The following RPH3A variants were observed in gnomAD, a reference collection of about 807,000 sequenced individuals.
RPH3A encodes the protein rabphilin-3A.
A neutral mutation model predicts 102.2 loss-of-function variants in RPH3A; 48 were observed. The observed-to-expected ratio is 0.47, with a 90% confidence interval of 0.37 to 0.60. The LOEUF (loss-of-function observed/expected upper bound fraction) is 0.60. Ranked by LOEUF, RPH3A falls within the 20% of genes least tolerant of loss-of-function variation. The probability of loss-of-function intolerance (pLI) is 0.00; values close to 1 mark genes in which losing one functional copy is unlikely to be tolerated. For missense variants in RPH3A, 781 were observed against 910.1 expected, an observed-to-expected ratio of 0.86 and a Z score of 1.83; for synonymous variants, 310 against 324.3, an observed-to-expected ratio of 0.96 and a Z score of 0.47.
chr12:112,718,244 T>C (rs2040526992), intron 1 of RPH3A, among the ~76,000 whole-genome samples: 1 of 152,198 alleles, frequency 6.6e-6, no homozygotes, highest in Admixed American at 6.5e-5. Context: ...TGTTGACCTA[T>C]TCAAACCAAA....
intron 1 of RPH3A, among the ~76,000 whole-genome samples, chr12:112,725,461 G>A (rs919270557): frequency 6.6e-6 from 1 of 152,120 alleles, no homozygotes; most frequent in African/African-American, 2.4e-5. Flanking sequence ...TGGAGCCTGA[G>A]CCATTGTTGG....
At chr12:112,697,375 A>T (rs981392659) in intron 1 of RPH3A, among the ~76,000 whole-genome samples, 1 of 152,252 alleles carries the variant, frequency 6.6e-6, no homozygotes. Context: ...TTATGATAGT[A>T]CCAAGAACAT....
upstream of RPH3A, among the ~76,000 whole-genome samples, chr12:112,790,191 G>A (rs1593000758): frequency 6.6e-6 from 1 of 151,950 alleles, no homozygotes; most frequent in East Asian, 1.9e-4. Context: ...CGAGTAGCTG[G>A]GATTACAGGT....
At chr12:112,870,310 CAAAAAAA>C (rs377457634) in intron 10 of RPH3A, among the ~76,000 whole-genome samples, 2 of 105,606 alleles carry the variant, frequency 1.9e-5, no homozygotes, top group African/African-American at 3.5e-5. Context: ...CTCCCCGCCT[CAAAAAAA>C]AAAAAAAAAA....
intron 1 of RPH3A, among the ~76,000 whole-genome samples, chr12:112,607,740 A>G (rs901115898): frequency 2.0e-5 from 3 of 152,138 alleles, no homozygotes; most frequent in African/African-American, 7.2e-5. Flanking sequence ...ATTCTCAAAC[A>G]TCAATGAACC....
intron 6 of RPH3A, 100 bp downstream of exon 6, chr12:112,865,643 T>A (rs2042600054): frequency 1.5e-6 from 2 of 1,322,306 alleles, no homozygotes; most frequent in South Asian, 1.4e-5. Flanking sequence ...GGGGTGGAGC[T>A]TGGATCCTGA....
intron 15 of RPH3A, among the ~76,000 whole-genome samples, chr12:112,882,301 T>A (rs939488525): frequency 4.6e-5 from 7 of 152,000 alleles, no homozygotes. Context: ...CACCCTTCTC[T>A]CCCCTCAAGC....
intron 1 of RPH3A, among the ~76,000 whole-genome samples, chr12:112,775,874 T>C (rs2040962303): frequency 1.3e-5 from 2 of 152,328 alleles, no homozygotes; most frequent in African/African-American, 4.8e-5. Flanking sequence ...GGGTAGATTA[T>C]AATTGTGTCA....
chr12:112,768,041 G>A (rs1480168860), intron 1 of RPH3A, among the ~76,000 whole-genome samples: 2 of 152,036 alleles, frequency 1.3e-5, no homozygotes, highest in Non-Finnish European at 1.5e-5. Flanking sequence ...CAGTGGTAAC[G>A]GTTGTACAAT....
intron 5 of RPH3A, among the ~76,000 whole-genome samples, chr12:112,858,868 G>C (rs979767957): frequency 2.0e-5 from 3 of 152,332 alleles, no homozygotes; most frequent in East Asian, 3.9e-4. Context: ...GCCTCTGGGA[G>C]TATCCTGGGA....
intron 1 of RPH3A, among the ~76,000 whole-genome samples, chr12:112,595,432 C>A (rs2039509810): frequency 6.6e-6 from 1 of 152,144 alleles, no homozygotes; most frequent in Non-Finnish European, 1.5e-5. Context: ...AATCATGCAG[C>A]AAAATATTTC....
At chr12:112,838,497 A>T (rs982035690) in intron 4 of RPH3A, among the ~76,000 whole-genome samples, 6 of 152,196 alleles carry the variant, frequency 3.9e-5, no homozygotes, top group African/African-American at 1.4e-4. Flanking sequence ...TTCAGGATTC[A>T]TTAAAATCCC....
intron 2 of RPH3A, among the ~76,000 whole-genome samples, chr12:112,798,280 G>A (rs1250589534): frequency 6.6e-6 from 1 of 152,226 alleles, no homozygotes; most frequent in Non-Finnish European, 1.5e-5. Context: ...TCATCTGACA[G>A]CATCATAATG....
intron 1 of RPH3A, among the ~76,000 whole-genome samples, chr12:112,653,637 A>C (rs1823621627): frequency 6.6e-6 from 1 of 152,162 alleles, no homozygotes; most frequent in African/African-American, 2.4e-5. Context: ...ATACTTAAAA[A>C]AACCCTTTTA....
chr12:112,678,546 G>A (rs924314374), intron 1 of RPH3A, among the ~76,000 whole-genome samples: 3 of 152,014 alleles, frequency 2.0e-5, no homozygotes, highest in African/African-American at 4.8e-5. Flanking sequence ...TCAATGCCAC[G>A]GAGGGTTTTC....
At chr12:112,682,351 C>A (rs902250244) in intron 1 of RPH3A, among the ~76,000 whole-genome samples, 2 of 77,692 alleles carry the variant, frequency 2.6e-5, no homozygotes, top group Non-Finnish European at 5.0e-5. Context: ...TTTTTTCTTT[C>A]TTTCTTTTTT....
rs145126888 is a variant in RPH3A at position 112,700,392 on chromosome 12, G to A, written c.-139-91751G>A. On this transcript the variant is annotated intron_variant, in intron 1 of 21. Coordinates refer to the RPH3A transcript ENST00000543106. ...AGATTGGTGAGAGAGAAGAATTTTT[G>A]TCAGACCATCTTTACTAGCCATACA... 1.3e-3 allele frequency among the ~76,000 whole-genome samples: 200 copies of A among 152,260 alleles called. 1 individual carries two copies. The highest frequency in any genetic ancestry group is 4.6e-3 in the African/African-American group (192 of 41,542).
At chr12:112,714,195 C>G (rs1298913357) in intron 1 of RPH3A, among the ~76,000 whole-genome samples, 1 of 152,092 alleles carries the variant, frequency 6.6e-6, no homozygotes, top group Non-Finnish European at 1.5e-5. Context: ...ATTGCAGACC[C>G]CTGGGAACAG....
chr12:112,727,458 G>GACAC lies in RPH3A; in HGVS notation c.-139-64655_-139-64652dup, dbSNP rs60493848. Among the ~76,000 whole-genome samples the GACAC allele has an allele frequency of 9.6e-3, 293 of 30,548 alleles. 5 individuals are homozygous for GACAC. Among genetic ancestry groups the GACAC allele is most frequent in the African/African-American group, 0.027 (106 of 3,894 alleles). 20.0% of individuals were successfully genotyped at this position (30,548 alleles called of 152,430 possible). A position where few individuals can be genotyped will look rare whatever the true frequency, so the allele number is the denominator to read the frequency against. On this transcript the variant is annotated intron_variant, in intron 1 of 21. Transcript: ENST00000543106. The stretch of plus-strand genomic sequence containing the variant: ...ACACATACATACACACACAGACACA[G>GACAC]ACACACACACACACACACACACACA...
Sources: allele counts gnomAD v4.1 joint callset (sites outside exome capture counted in the v4.1 genomes callset), GRCh38; gene constraint gnomAD v4.1.1; transcripts MANE v1.5; gene names NCBI Gene and HGNC (gene_info 2026-07-23, HGNC 2026-07-21).